Variants in ATP6V1H observed in about 807,000 individuals in gnomAD.
ATP6V1H encodes ATPase H+ transporting V1 subunit H.
Under a neutral mutation model 71.7 loss-of-function variants are expected in ATP6V1H, and 39 were observed. That is an observed-to-expected ratio of 0.54 (90% CI 0.42 to 0.71). The LOEUF is 0.71. Among genes scored for constraint, ATP6V1H ranks in the 30% least tolerant of loss-of-function variants. ATP6V1H has a pLI of 0.00. For synonymous variants in ATP6V1H, 192 were observed against 199.3 expected, an observed-to-expected ratio of 0.96 and a Z score of 0.31; for missense variants, 509 against 594.9, an observed-to-expected ratio of 0.86 and a Z score of 1.50.
chr8:53,755,084 T>C (rs904632144), intron 12 of ATP6V1H, among the ~76,000 whole-genome samples: 1 of 152,172 alleles, frequency 6.6e-6, no homozygotes, highest in African/African-American at 2.4e-5. Flanking sequence ...TGCCTCGCAG[T>C]GGGTGACAGG....
At chr8:53,766,561 G>A (rs778438852) in intron 11 of ATP6V1H, among the ~76,000 whole-genome samples, 4 of 152,190 alleles carry the variant, frequency 2.6e-5, no homozygotes, top group African/African-American at 7.2e-5. Flanking sequence ...GAACAGAGCC[G>A]TATTTCTCCT....
intron 9 of ATP6V1H, among the ~76,000 whole-genome samples, chr8:53,786,862 G>A (rs1219475247): frequency 6.6e-6 from 1 of 152,196 alleles, no homozygotes; most frequent in Non-Finnish European, 1.5e-5. Flanking sequence ...CTGAACTGCT[G>A]GCCTTGTAAA....
chr8:53,730,556 C>T (rs1806982007), intron 13 of ATP6V1H, among the ~76,000 whole-genome samples: 1 of 152,094 alleles, frequency 6.6e-6, no homozygotes, highest in South Asian at 2.1e-4. Context: ...TATATTGCAT[C>T]AATGGACCTC....
chr8:53,803,022 T>C (rs1039146852), intron 7 of ATP6V1H, among the ~76,000 whole-genome samples: 2 of 152,248 alleles, frequency 1.3e-5, no homozygotes, highest in Admixed American at 6.5e-5. Flanking sequence ...ATATGTACAA[T>C]AAGCCTTAAG....
At chr8:53,811,804 T>C (rs949178535) in intron 6 of ATP6V1H, among the ~76,000 whole-genome samples, 1 of 152,190 alleles carries the variant, frequency 6.6e-6, no homozygotes, top group Non-Finnish European at 1.5e-5. Flanking sequence ...TATCATTCAA[T>C]AACTACTATC....
intron 12 of ATP6V1H, among the ~76,000 whole-genome samples, chr8:53,748,114 C>T (rs1025891921): frequency 4.0e-5 from 6 of 151,586 alleles, no homozygotes; most frequent in Admixed American, 1.3e-4. Flanking sequence ...GCCGAGATCA[C>T]GCCATTGCAC....
intron 8 of ATP6V1H, 144 bp downstream of exon 8, chr8:53,801,655 C>G: frequency 3.0e-6 from 2 of 671,914 alleles, no homozygotes; most frequent in Non-Finnish European, 4.8e-6. Flanking sequence ...TAGTTACTAA[C>G]TTCTAAAAAG....
chr8:53,829,812 C>T (rs72655189), intron 3 of ATP6V1H, among the ~76,000 whole-genome samples: 352 of 152,178 alleles, frequency 2.3e-3, no homozygotes, highest in Non-Finnish European at 4.1e-3. Context: ...TGATTACCGA[C>T]GACGGCATAA....
At chr8:53,818,961 C>CT (rs1563481019) in intron 4 of ATP6V1H, among the ~76,000 whole-genome samples, 1 of 152,146 alleles carries the variant, frequency 6.6e-6, no homozygotes, top group Non-Finnish European at 1.5e-5. Context: ...AATCCCAGCA[C>CT]TTTGAGAGGC....
In ATP6V1H at chr8:53,817,469, CA is replaced by C; in HGVS notation, c.367del (p.Trp123GlyfsTer8). On this transcript the variant is annotated frameshift_variant, in exon 5 of 14. Coordinates refer to ENST00000359530, the MANE Select transcript of ATP6V1H (RefSeq NM_015941.4). LOFTEE classifies it high-confidence loss of function. ...ATTCAACATTGGCAGAAAGTAGGGC[CA>C]CGCAGTGTTCTTGCTACATCTTGCA... ...DYARCSKNTA[W>X]PYFLPMLNRQ... The C allele has an allele frequency of 6.2e-7, 1 of 1,613,728 alleles. No homozygotes were observed. Among genetic ancestry groups the C allele is most frequent in the Non-Finnish European group, 8.5e-7 (1 of 1,179,784 alleles).
intron 3 of ATP6V1H, chr8:53,831,745 CTCTT>C (rs1563314143): frequency 7.0e-6 from 1 of 142,784 alleles, no homozygotes; most frequent in African/African-American, 2.7e-5. Flanking sequence ...AATAATTACA[CTCTT>C]TTTTTTTTTT....
At chr8:53,788,319 T>A (rs1311765578) in intron 9 of ATP6V1H, among the ~76,000 whole-genome samples, 2 of 152,158 alleles carry the variant, frequency 1.3e-5, no homozygotes, top group Admixed American at 1.3e-4. Flanking sequence ...AGCCCATAAA[T>A]TATTAAATTC....
At chr8:53,723,104 G>A (rs938984930) in intron 13 of ATP6V1H, among the ~76,000 whole-genome samples, 1 of 152,154 alleles carries the variant, frequency 6.6e-6, no homozygotes, top group Non-Finnish European at 1.5e-5. Flanking sequence ...ATAATCACCT[G>A]AAATGAGTCT....
At chr8:53,754,223 T>C (rs1165368372) in intron 12 of ATP6V1H, among the ~76,000 whole-genome samples, 1 of 152,122 alleles carries the variant, frequency 6.6e-6, no homozygotes, top group Admixed American at 6.5e-5. Context: ...AAAGGCTTAT[T>C]GGGAAACAAA....
intron 13 of ATP6V1H, among the ~76,000 whole-genome samples, chr8:53,739,840 G>A (rs199684839): frequency 1.3e-5 from 2 of 152,236 alleles, no homozygotes; most frequent in East Asian, 1.9e-4. Flanking sequence ...AGAGGCCCGC[G>A]AGTAGGACTG....
rs1421992585 is a variant in ATP6V1H at position 53,741,636 on chromosome 8, G to A, written c.1391+1941C>T. Among the ~76,000 whole-genome samples, 5 of 152,154 alleles carry A rather than the reference G, an allele frequency of 3.3e-5. No individual in the cohort carries two copies. In the South Asian group the frequency reaches 1.0e-3, roughly 32 times the overall value. On this transcript the variant is annotated intron_variant, in intron 13 of 13. Coordinates refer to ENST00000359530, the MANE Select transcript of ATP6V1H (RefSeq NM_015941.4). The stretch of plus-strand genomic sequence containing the variant: ...TAAATGATTTATGTTGAAAAATCTG[G>A]CTTGGGGTAAAGTGAAGTAAGGAGA...
chr8:53,772,283 CACCTTT>C lies in ATP6V1H; in HGVS notation c.871-122_871-117del, dbSNP rs1252089776. The C allele has an allele frequency of 2.5e-5, 20 of 802,676 alleles. No individual in the cohort carries two copies. In the Admixed American group the frequency reaches 2.6e-4, roughly 10 times the overall value. The allele number at this position is 802,676 out of a possible 1,614,324, so 49.7% of individuals were successfully genotyped here. A position where few individuals can be genotyped will look rare whatever the true frequency, so the allele number is the denominator to read the frequency against. On this transcript the variant is annotated intron_variant, in intron 9 of 13. Coordinates refer to ENST00000359530, the MANE Select transcript of ATP6V1H (RefSeq NM_015941.4). ...TCCTCCTATTCTCAAGTTTAACTAT[CACCTTT>C]AAGTGGATGACTCTATCTCAAATCC...
intron 13 of ATP6V1H, among the ~76,000 whole-genome samples, chr8:53,732,347 T>A (rs1002667112): frequency 1.3e-5 from 2 of 152,112 alleles, no homozygotes; most frequent in Admixed American, 6.5e-5. Flanking sequence ...AAAAAAGTCA[T>A]CAAAACATCC....
intron 12 of ATP6V1H, 124 bp downstream of exon 12, chr8:53,756,431 A>T (rs1808066489): frequency 1.5e-6 from 1 of 681,274 alleles, no homozygotes; most frequent in Non-Finnish European, 2.4e-6. Context: ...CTATTGTGGC[A>T]ATCTTGATTT....
Sources: gnomAD v4.1 joint callset for allele counts (sites outside exome capture counted in the v4.1 genomes callset) on GRCh38, gnomAD v4.1.1 for gene constraint, MANE v1.5 for transcripts, NCBI Gene and HGNC (gene_info 2026-07-23, HGNC 2026-07-21) for gene names.